OTC: variants seen among roughly 807,000 people sequenced by gnomAD.
The protein encoded by OTC is ornithine transcarbamylase, mitochondrial.
OTC carries 3 observed loss-of-function variants against 30.3 expected under a neutral mutation model. That is an observed-to-expected ratio of 0.10 (90% confidence interval 0.05 to 0.26). The LOEUF is 0.26. Among genes scored for constraint, OTC ranks in the 10% least tolerant of loss-of-function variants. The probability of loss-of-function intolerance (pLI) is 1.00; values close to 1 mark genes in which losing one functional copy is unlikely to be tolerated. For synonymous variants in OTC, 111 were observed against 99.7 expected, an observed-to-expected ratio of 1.11 and a Z score of -0.67; for missense variants, 194 against 260.3, an observed-to-expected ratio of 0.75 and a Z score of 1.75.
chrX:38,389,757 A>C (rs932148994), intron 4 of OTC, among the ~76,000 whole-genome samples: 1 of 112,060 alleles, frequency 8.9e-6, no homozygotes, highest in African/African-American at 3.2e-5. Flanking sequence ...GGTTCAATTC[A>C]GAGCTCTACC....
the OTC span, among the ~76,000 whole-genome samples, chrX:38,332,504 T>TATATATATATATATA: frequency 6.5e-3 from 255 of 39,344 alleles, 7 homozygotes; most frequent in African/African-American, 0.022. Flanking sequence ...GCCCTAGATT[T>TATATATATATATATA]TATATATATA....
chrX:38,391,696 C>T (rs910329085), intron 4 of OTC, among the ~76,000 whole-genome samples: 2 of 110,885 alleles, frequency 1.8e-5, no homozygotes, highest in Admixed American at 1.9e-4. Context: ...TCATTTTGAC[C>T]TAACTCCATC....
At position 38,421,078 on chromosome X, in the gene OTC, T is replaced by G. The variant is rs72558495; in HGVS notation, c.1061T>G (p.Phe354Cys). 4.2e-6 allele frequency: 5 copies of G among 1,181,148 alleles called. No individual in the cohort carries two copies. The highest frequency in any genetic ancestry group is 5.8e-6 in the Non-Finnish European group (5 of 869,323). ...DYSPQLQKPK[F>C] The stretch of plus-strand genomic sequence containing the variant: ...TCACCTCAGCTCCAGAAGCCTAAAT[T>G]TTGATGTTGTGTTACTTGTCAAGAA... The change falls in exon 10 of 10, where the codon TTT (phenylalanine) becomes TGT (cysteine). Residue 354 changes from phenylalanine to cysteine, a missense_variant. By Grantham distance (205) the Phe-to-Cys change is radical. Coordinates refer to ENST00000039007, the MANE Select transcript of OTC (RefSeq NM_000531.6).
intron 1 of OTC, among the ~76,000 whole-genome samples, chrX:38,354,743 A>G (rs1362972885): frequency 9.0e-6 from 1 of 111,637 alleles, no homozygotes; most frequent in Non-Finnish European, 1.9e-5. Flanking sequence ...GTGAATCTCT[A>G]TTGAAAAATG....
Position 38,403,555 on chromosome X carries a change from G to A in OTC, c.541-63G>A, listed in dbSNP as rs2235125. The A allele has an allele frequency of 0.39, 446,575 of 1,139,115 alleles. 64,181 individuals are homozygous for A. The highest frequency in any genetic ancestry group is 0.7 in the African/African-American group (39,104 of 55,697). The allele number at this position is 1,139,115 out of a possible 1,213,427, so 93.9% of individuals were successfully genotyped here. A position where few individuals can be genotyped will look rare whatever the true frequency, so the allele number is the denominator to read the frequency against. ...ATTAAGACTATTTATTTTAACCTTA[G>A]TAATTGCTACACATAAGCGAATTTA... is the stretch of plus-strand genomic sequence containing the variant. On this transcript the variant is annotated intron_variant, in intron 5 of 9. Transcript: ENST00000039007.
upstream of OTC, among the ~76,000 whole-genome samples, chrX:38,348,409 C>T (rs1464440379): frequency 9.0e-6 from 1 of 111,543 alleles, no homozygotes; most frequent in Non-Finnish European, 1.9e-5. Flanking sequence ...TATAATCTGG[C>T]TTTCAAGGCC....
At chrX:38,361,356 C>A in intron 1 of OTC, among the ~76,000 whole-genome samples, 1 of 111,236 alleles carries the variant, frequency 9.0e-6, no homozygotes, top group East Asian at 2.8e-4. Flanking sequence ...GAATGTAAAT[C>A]GAGTTATGGA....
At chrX:38,396,957 G>C (rs2068461064) in intron 4 of OTC, among the ~76,000 whole-genome samples, 1 of 110,924 alleles carries the variant, frequency 9.0e-6, no homozygotes, top group African/African-American at 3.3e-5. Flanking sequence ...GTTTATTCAT[G>C]GTACAGTTTC....
rs745517371 is a variant in OTC, at chrX:38,420,994, A to ATTTC, written c.1006-17_1006-14dup. ...AGCAGACTGTCGCTAATGTTTATCC[A>ATTTC]TTTCTTTCTTTCTTTGTTGTGTCAT... On this transcript the variant is annotated intron_variant, in intron 9 of 9. Transcript: ENST00000039007. The ATTTC allele has an allele frequency of 4.4e-6, 5 of 1,137,783 alleles. No individual in the cohort carries two copies. In the South Asian group the frequency reaches 9.1e-5, roughly 21 times the overall value. 93.8% of individuals were successfully genotyped at this position (1,137,783 alleles called of 1,213,427 possible).
the OTC span, among the ~76,000 whole-genome samples, chrX:38,334,732 C>T: frequency 8.9e-6 from 1 of 112,316 alleles, no homozygotes; most frequent in South Asian, 3.7e-4. Context: ...TTTTGTTCCA[C>T]CAAGATGGAT....
At chrX:38,386,611 G>A (rs765617568) in intron 4 of OTC, among the ~76,000 whole-genome samples, 38 of 111,014 alleles carry the variant, frequency 3.4e-4, no homozygotes, top group African/African-American at 1.1e-3. Context: ...GCGTTCGTTC[G>A]TGATATTGCA....
At chrX:38,373,625 G>A (rs777048072) in intron 3 of OTC, 1 of 112,227 alleles carries the variant, frequency 8.9e-6, no homozygotes, top group African/African-American at 3.2e-5. Flanking sequence ...TTTAACGGCT[G>A]TTTCAAAATC....
intron 4 of OTC, among the ~76,000 whole-genome samples, chrX:38,396,890 C>T (rs570354513): frequency 8.9e-6 from 1 of 111,989 alleles, no homozygotes; most frequent in African/African-American, 3.2e-5. Context: ...GCTAGCCAAC[C>T]GCTGGACTCC....
At chrX:38,407,264 G>T (rs1313442807) in intron 6 of OTC, among the ~76,000 whole-genome samples, 2 of 112,508 alleles carry the variant, frequency 1.8e-5, no homozygotes, top group African/African-American at 6.5e-5. Flanking sequence ...CCCCAAAAGG[G>T]TGTGTGACCT....
chrX:38,418,806 G>C (rs2142432), intron 9 of OTC, among the ~76,000 whole-genome samples: 2 of 110,643 alleles, frequency 1.8e-5, no homozygotes, highest in Middle Eastern at 4.7e-3. Flanking sequence ...CTTTTGCCTT[G>C]TGCAATGATT....
chrX:38,421,698 G>A (rs2068596447), downstream of OTC, among the ~76,000 whole-genome samples: 1 of 112,276 alleles, frequency 8.9e-6, no homozygotes, highest in South Asian at 3.7e-4. Context: ...AATCCTCCAA[G>A]AGCATGTATC....
At chrX:38,377,121 T>C (rs903471262) in intron 3 of OTC, among the ~76,000 whole-genome samples, 1 of 112,212 alleles carries the variant, frequency 8.9e-6, no homozygotes, top group Non-Finnish European at 1.9e-5. Flanking sequence ...ATATATTTTC[T>C]GACCACAATG....
chrX:38,407,627 CA>C (rs1443610217), intron 6 of OTC, among the ~76,000 whole-genome samples: 1 of 110,483 alleles, frequency 9.1e-6, no homozygotes, highest in Non-Finnish European at 1.9e-5. Context: ...CAGGAGGGGA[CA>C]AGAGAGGAGG....
intron 4 of OTC, among the ~76,000 whole-genome samples, chrX:38,387,397 G>A (rs2068409480): frequency 8.9e-6 from 1 of 112,179 alleles, no homozygotes; most frequent in Non-Finnish European, 1.9e-5. Flanking sequence ...AAGAAGATCT[G>A]ACAATTAAGG....
Sources: gnomAD v4.1 joint callset for allele counts (sites outside exome capture counted in the v4.1 genomes callset) on GRCh38, gnomAD v4.1.1 for gene constraint, MANE v1.5 for transcripts, NCBI Gene and HGNC (gene_info 2026-07-23, HGNC 2026-07-21) for gene names.